Variants in SCAF11 observed in about 807,000 individuals in gnomAD.
The protein encoded by SCAF11 is protein SCAF11.
SCAF11 carries 47 observed loss-of-function variants against 140.5 expected under a neutral mutation model. The observed-to-expected ratio is 0.33, with a 90% confidence interval of 0.26 to 0.43. The LOEUF (loss-of-function observed/expected upper bound fraction) is 0.43. Ranked by LOEUF, SCAF11 falls within the 20% of genes least tolerant of loss-of-function variation. SCAF11 has a pLI of 1.00. For missense variants in SCAF11, 1,645 were observed against 1,705.1 expected, an observed-to-expected ratio of 0.96 and a Z score of 0.62; for synonymous variants, 557 against 579.4, an observed-to-expected ratio of 0.96 and a Z score of 0.55.
rs1944959076 is a variant in SCAF11 at position 45,928,565 on chromosome 12, C to T, written c.1136G>A (p.Arg379Lys). ...RQAPKRKSVRRGRKPPLLKKK... is the reference protein window; with the variant it reads ...RQAPKRKSVRKGRKPPLLKKK... ...TTTCAGTAAAGGTGGTTTTCTTCCT[C>T]TTCTTACAGACTTCCGTTTTGGAGC... The change falls in exon 11 of 15, where the codon AGA becomes AAA. Residue 379 changes from arginine (R) to lysine (K), a missense_variant. Physicochemically the swap from Arg to Lys is conservative, Grantham distance 26. Around this residue, in one of 2 missense-constraint regions of SCAF11, gnomAD observed 1,582 missense variants for 1,609.2 expected, o/e 0.98. Transcript: ENST00000369367. 2 of 1,614,158 alleles carry T rather than the reference C, an allele frequency of 1.2e-6. No homozygotes were observed. The highest frequency in any genetic ancestry group is 2.7e-5 in the African/African-American group (2 of 75,050).
intron 12 of SCAF11, 61 bp downstream of exon 12, chr12:45,924,667 C>T: frequency 7.2e-7 from 1 of 1,379,434 alleles, no homozygotes; most frequent in African/African-American, 1.4e-5. Context: ...GAACATCTGT[C>T]ATGAACAGCT....
chr12:45,953,183 C>T (rs948372759), intron 3 of SCAF11, among the ~76,000 whole-genome samples: 3 of 152,282 alleles, frequency 2.0e-5, no homozygotes, highest in African/African-American at 7.2e-5. Context: ...ATTTAGGAGG[C>T]TATTACTTTC....
intron 1 of SCAF11, among the ~76,000 whole-genome samples, chr12:45,972,966 AT>A (rs1193296450): frequency 6.5e-5 from 9 of 138,666 alleles, no homozygotes; most frequent in African/African-American, 2.2e-4. Context: ...ATAGATATAT[AT>A]ATAGATATAT....
Position 45,926,831 on chromosome 12 carries a change from A to G in SCAF11, c.2870T>C (p.Ile957Thr). The G allele has an allele frequency of 1.2e-6, 2 of 1,614,078 alleles. No homozygotes were observed. Among genetic ancestry groups the G allele is most frequent in the Non-Finnish European group, 1.7e-6 (2 of 1,180,016 alleles). ...CCGGGGAGAGTAACTATCTCTGTCAATTCTACCAAATGATGAACTCTTACT... is the reference window on the plus strand; with the variant it reads ...CCGGGGAGAGTAACTATCTCTGTCAGTTCTACCAAATGATGAACTCTTACT... ...TKSKSSSFGRIDRDSYSPRWK... is the reference protein window; with the variant it reads ...TKSKSSSFGRTDRDSYSPRWK... The change falls in exon 11 of 15, where the codon ATT becomes ACT. Residue 957 changes from isoleucine (I) to threonine (T), a missense_variant. By Grantham distance (89) the Ile-to-Thr change is moderately conservative (BLOSUM62 -1). This residue lies in a region of SCAF11 where 1,582 missense variants were observed against 1,609.2 expected (regional missense o/e 0.98). Coordinates refer to ENST00000369367, the MANE Select transcript of SCAF11 (RefSeq NM_004719.3).
At chr12:45,960,562 CA>C (rs1945802286) in intron 3 of SCAF11, 1 of 152,102 alleles carries the variant, frequency 6.6e-6, no homozygotes, top group Admixed American at 6.5e-5. Context: ...ATTAATTCAG[CA>C]AAACTCAAAA....
upstream of SCAF11, chr12:45,991,805 C>A (rs1946618453): frequency 9.4e-7 from 1 of 1,068,312 alleles, no homozygotes; most frequent in Non-Finnish European, 1.2e-6. Context: ...TACCAGCTGA[C>A]CTTCCAGTCC....
At chr12:45,984,111 G>A (rs1039639087) in intron 1 of SCAF11, among the ~76,000 whole-genome samples, 1 of 152,016 alleles carries the variant, frequency 6.6e-6, no homozygotes, top group South Asian at 2.1e-4. Flanking sequence ...CTCATGTTAC[G>A]AATAGTGAGG....
intron 3 of SCAF11, among the ~76,000 whole-genome samples, chr12:45,960,011 AGGTGT>A (rs1382577010): frequency 6.6e-6 from 1 of 152,216 alleles, no homozygotes; most frequent in Non-Finnish European, 1.5e-5. Context: ...CATGCGGGAA[AGGTGT>A]TGGCTGCCAT....
upstream of SCAF11, among the ~76,000 whole-genome samples, chr12:45,991,556 T>C (rs1435739124): frequency 6.6e-6 from 1 of 152,158 alleles, no homozygotes; most frequent in Non-Finnish European, 1.5e-5. Flanking sequence ...AGCGAGACCC[T>C]GTCTCAAACA....
At chr12:45,963,067 A>G (rs1945863163) in intron 2 of SCAF11, among the ~76,000 whole-genome samples, 1 of 152,226 alleles carries the variant, frequency 6.6e-6, no homozygotes, top group Admixed American at 6.5e-5. Context: ...GACAAATCTG[A>G]GGAAACCAGC....
At chr12:45,976,644 C>G (rs187789177) in intron 1 of SCAF11, among the ~76,000 whole-genome samples, 1 of 152,026 alleles carries the variant, frequency 6.6e-6, no homozygotes, top group East Asian at 1.9e-4. Context: ...TACAGAGGAA[C>G]AAAAACAGAG....
intron 1 of SCAF11, among the ~76,000 whole-genome samples, chr12:45,984,814 C>G (rs1352108972): frequency 1.3e-5 from 2 of 152,124 alleles, no homozygotes; most frequent in South Asian, 4.1e-4. Flanking sequence ...TGTGCCTCAG[C>G]CTCCCATGTA....
At chr12:45,970,795 CACATTT>C (rs1364844098) in intron 1 of SCAF11, among the ~76,000 whole-genome samples, 1 of 152,194 alleles carries the variant, frequency 6.6e-6, no homozygotes, top group Non-Finnish European at 1.5e-5. Flanking sequence ...TGAAGTCACC[CACATTT>C]ACAGGTCTTT....
At chr12:45,939,061 CTT>C (rs1221402017) in intron 6 of SCAF11, among the ~76,000 whole-genome samples, 12 of 149,972 alleles carry the variant, frequency 8.0e-5, no homozygotes, top group African/African-American at 3.0e-4. Flanking sequence ...GCTGTCTAAC[CTT>C]TCACTATACC....
chr12:45,979,078 TG>T lies in SCAF11; in HGVS notation c.-22+11274del, dbSNP rs540697391. Among the ~76,000 whole-genome samples, 7 of 127,630 alleles carry T rather than the reference TG, an allele frequency of 5.5e-5. No individual in the cohort carries two copies. In the East Asian group the frequency reaches 1.7e-3, roughly 32 times the overall value. 83.7% of individuals were successfully genotyped at this position (127,630 alleles called of 152,430 possible). On this transcript the variant is annotated intron_variant, in intron 1 of 14. Coordinates refer to ENST00000369367, the MANE Select transcript of SCAF11 (RefSeq NM_004719.3). ...TACTGCATCTTCAAGTATTAGGTGG[TG>T]GGGCTTTTAGGAGGTGATTAGGCTG... is the stretch of plus-strand genomic sequence containing the variant.
chr12:45,930,222 T>C lies in SCAF11; in HGVS notation c.841+1284A>G, dbSNP rs142134908. Among the ~76,000 whole-genome samples, 13 of 152,340 alleles carry C rather than the reference T, an allele frequency of 8.5e-5. No individual in the cohort carries two copies. The East Asian group carries it at 2.5e-3, about 29-fold the overall frequency. On this transcript the variant is annotated intron_variant, in intron 10 of 14. Coordinates refer to ENST00000369367, the MANE Select transcript of SCAF11 (RefSeq NM_004719.3). ...TCCTATCAAGGAATTAAACTTCTTC[T>C]TATAAAGCCATAATTTTGCTTCTTG...
At chr12:45,991,996 T>C, upstream of SCAF11, 1 of 1,288,876 alleles carries the variant, frequency 7.8e-7, no homozygotes, top group Non-Finnish European at 1.0e-6. Flanking sequence ...CCGGGATGAG[T>C]TTCCTCCCCA....
intron 3 of SCAF11, among the ~76,000 whole-genome samples, chr12:45,953,452 G>A (rs1464860424): frequency 6.6e-6 from 1 of 152,160 alleles, no homozygotes; most frequent in East Asian, 1.9e-4. Context: ...GCCAAGGCAG[G>A]AGGATCCCTT....
rs201238940 is a variant in SCAF11 at position 45,922,960 on chromosome 12, G to A, written c.4101C>T (p.Ser1367=). ...CCTTGTCTGTCTTCGAGCTATCTGC[G>A]CTGGCTTCCACTGCAACACTTACTT... ...ESKVSVAVEA[S]ADSSKTDKKL... is the part of the protein sequence containing the mutation. The change falls in exon 13 of 15, where the codon AGC becomes AGT. Residue 1367 remains serine (S), a synonymous_variant. Transcript: ENST00000369367. 13 of 1,614,072 alleles carry A rather than the reference G, an allele frequency of 8.1e-6. No homozygotes were observed. The highest frequency in any genetic ancestry group is 1.6e-4 in the Middle Eastern group (1 of 6,062).
Sources: allele counts gnomAD v4.1 joint callset (sites outside exome capture counted in the v4.1 genomes callset), GRCh38; gene constraint gnomAD v4.1.1; regional missense constraint gnomAD v4.1.1; transcripts MANE v1.5; gene names NCBI Gene and HGNC (gene_info 2026-07-23, HGNC 2026-07-21).